The following IL5 variants were observed in gnomAD, a reference collection of about 807,000 sequenced individuals.
IL5 encodes interleukin 5.
IL5 carries 12 observed loss-of-function variants against 16.3 expected under a neutral mutation model. The ratio of observed to expected loss-of-function variants is 0.74; its 90% CI spans 0.47 to 1.20. The LOEUF (loss-of-function observed/expected upper bound fraction) is 1.20. IL5 is among the 50% of genes most tolerant of loss of function. IL5 has a pLI of 0.00. For synonymous variants in IL5, 54 were observed against 56.6 expected, an observed-to-expected ratio of 0.95 and a Z score of 0.21; for missense variants, 159 against 153.9, an observed-to-expected ratio of 1.03 and a Z score of -0.17.
At chr5:132,542,692 AT>A (rs1353282707) in intron 2 of IL5, among the ~76,000 whole-genome samples, 6 of 152,188 alleles carry the variant, frequency 3.9e-5, no homozygotes, top group Non-Finnish European at 7.3e-5. Flanking sequence ...AATATAGGGC[AT>A]TTGTTATATA....
intron 1 of IL5, among the ~76,000 whole-genome samples, chr5:132,555,110 GC>G (rs1473802164): frequency 1.1e-4 from 16 of 152,166 alleles, no homozygotes; most frequent in Admixed American, 4.6e-4. Flanking sequence ...AGAATCTAAT[GC>G]CCCCACTGAT....
chr5:132,546,366 A>C (rs920256359), upstream of IL5, among the ~76,000 whole-genome samples: 1 of 152,028 alleles, frequency 6.6e-6, no homozygotes, highest in Admixed American at 6.6e-5. Context: ...TGTCTTTATG[A>C]ATTTGATGAC....
At chr5:132,554,350 G>C (rs1424407012) in intron 1 of IL5, among the ~76,000 whole-genome samples, 1 of 115,730 alleles carries the variant, frequency 8.6e-6, no homozygotes, top group Admixed American at 1.1e-4. Context: ...CTGGGTGACA[G>C]AGTGAGACTC....
At chr5:132,542,366 G>A (rs1353081980) in intron 2 of IL5, among the ~76,000 whole-genome samples, 3 of 152,100 alleles carry the variant, frequency 2.0e-5, no homozygotes, top group African/African-American at 7.2e-5. Flanking sequence ...TCTCCAAAGA[G>A]TTTTTTGTTT....
chr5:132,549,739 A>G (rs1042550753), intron 1 of IL5, among the ~76,000 whole-genome samples: 1 of 152,206 alleles, frequency 6.6e-6, no homozygotes, highest in Non-Finnish European at 1.5e-5. Flanking sequence ...CCTTAAGGTC[A>G]AATGACTTTT....
In IL5 at chr5:132,541,755, T is replaced by C. The variant is rs925432262; in HGVS notation, c.*56A>G. Reference sequence around the variant, plus strand: ...ACTCTTTCTTGGCCCTCATTCTCACTGCAGTAAAATGTCCTTCTCCTCCAA... The same window carrying C: ...ACTCTTTCTTGGCCCTCATTCTCACCGCAGTAAAATGTCCTTCTCCTCCAA... On this transcript the variant is annotated 3_prime_UTR_variant, in exon 4 of 4. Transcript: ENST00000231454. 9.4e-7 allele frequency: 1 copy of C among 1,068,960 alleles called. No homozygotes were observed. Among genetic ancestry groups the C allele is most frequent in the African/African-American group, 1.6e-5 (1 of 63,286 alleles). The allele number at this position is 1,068,960 out of a possible 1,614,324, so 66.2% of individuals were successfully genotyped here.
At chr5:132,544,155 C>T (rs1001179238), upstream of IL5, among the ~76,000 whole-genome samples, 1 of 152,204 alleles carries the variant, frequency 6.6e-6, no homozygotes. Context: ...TTCAGTGACT[C>T]TTCCTTGACT....
At chr5:132,549,581 A>G (rs1230138645) in intron 1 of IL5, among the ~76,000 whole-genome samples, 1 of 152,250 alleles carries the variant, frequency 6.6e-6, no homozygotes, top group East Asian at 1.9e-4. Flanking sequence ...GTAATTTTAT[A>G]ATTTAAAAAA....
At position 132,542,059 on chromosome 5, in the gene IL5, A is replaced by C; in HGVS notation, c.262T>G (p.Phe88Val). 4.3e-6 allele frequency: 7 copies of C among 1,613,798 alleles called. No homozygotes were observed. Among genetic ancestry groups the C allele is most frequent in the Non-Finnish European group, 5.9e-6 (7 of 1,179,742 alleles). ...TTCTTTATTAAGGACAAGTTTTTGA[A>C]TAGTCTTTCCACAGTACCCCCTTGC... ...TVQGGTVERLFKNLSLIKKYI... is the reference protein window; with the variant it reads ...TVQGGTVERLVKNLSLIKKYI... Residue 88 changes from phenylalanine (F) to valine (V), a missense_variant, in exon 3 of 4, where the codon TTC (phenylalanine) becomes GTC (valine). Phe to Val is a conservative substitution (Grantham distance 50). Coordinates refer to ENST00000231454, the MANE Select transcript of IL5 (RefSeq NM_000879.3).
intron 2 of IL5, among the ~76,000 whole-genome samples, chr5:132,542,810 G>A (rs139670763): frequency 6.9e-4 from 105 of 152,228 alleles, no homozygotes; most frequent in African/African-American, 2.4e-3. Flanking sequence ...AGACTAGCAC[G>A]CACCTCTCAC....
At chr5:132,549,217 G>A (rs914108086) in intron 1 of IL5, among the ~76,000 whole-genome samples, 12 of 152,036 alleles carry the variant, frequency 7.9e-5, no homozygotes, top group African/African-American at 1.4e-4. Context: ...CACCACGCCC[G>A]GCTAACTTTT....
upstream of IL5, among the ~76,000 whole-genome samples, chr5:132,545,589 C>T (rs1749770198): frequency 1.3e-5 from 2 of 152,088 alleles, no homozygotes; most frequent in South Asian, 2.1e-4. Context: ...GAGTTCAAGA[C>T]CAGTGAGTGA....
Position 132,543,400 on chromosome 5 carries a change from T to C in IL5, c.79A>G (p.Ser27Gly). Residue 27 changes from serine (S) to glycine (G), a missense_variant, in exon 1 of 4, where the codon AGT becomes GGT. Transcript: ENST00000231454. ...GCCAAGGTCTCTTTCACCAATGCAC[T>C]TGTGGGAATTTCTGTGGGGATGGCA... ...VYAIPTEIPT[S>G]ALVKETLALL... 1 of 1,614,190 alleles carries C rather than the reference T, an allele frequency of 6.2e-7. No individual in the cohort carries two copies. The highest frequency in any genetic ancestry group is 1.3e-5 in the African/African-American group (1 of 75,056).
intron 1 of IL5, among the ~76,000 whole-genome samples, chr5:132,555,537 A>G (rs1265188852): frequency 6.6e-6 from 1 of 152,218 alleles, no homozygotes; most frequent in East Asian, 1.9e-4. Context: ...TCTTTTTGAG[A>G]CGGAGTCTCG....
At chr5:132,553,462 G>C (rs1749916338) in intron 1 of IL5, among the ~76,000 whole-genome samples, 1 of 152,092 alleles carries the variant, frequency 6.6e-6, no homozygotes. Flanking sequence ...ATGCTACTTT[G>C]GGTCATAAAA....
exon 1 of IL5, chr5:132,556,752 T>A (rs201703778): frequency 2.2e-4 from 265 of 1,210,832 alleles, no homozygotes; most frequent in Non-Finnish European, 2.4e-4. Flanking sequence ...GGAAGCGCCA[T>A]CCGTCACAGG....
At chr5:132,549,788 C>T (rs1272197195) in intron 1 of IL5, among the ~76,000 whole-genome samples, 2 of 152,156 alleles carry the variant, frequency 1.3e-5, no homozygotes, top group Non-Finnish European at 2.9e-5. Flanking sequence ...TGATGCCTCG[C>T]AATTTTCATG....
At position 132,541,803 on chromosome 5, in the gene IL5, G is replaced by A; in HGVS notation, c.*8C>T. 1 of 1,591,510 alleles carries A rather than the reference G, an allele frequency of 6.3e-7. No individual in the cohort carries two copies. Among genetic ancestry groups the A allele is most frequent in the Non-Finnish European group, 8.6e-7 (1 of 1,161,004 alleles). On this transcript the variant is annotated 3_prime_UTR_variant, in exon 4 of 4. Transcript: ENST00000231454. ...CAAAATCTTTGGCTGCAACAAACCA[G>A]TTTAGTCTCAACTTTCTATTATCCA...
intron 1 of IL5, 28 bp downstream of exon 1, chr5:132,543,307 A>G: frequency 1.3e-6 from 2 of 1,597,026 alleles, no homozygotes; most frequent in Non-Finnish European, 1.7e-6. Context: ...TGCACTTTAC[A>G]GACTGTAGGA....
Sources: gnomAD v4.1 joint callset for allele counts (sites outside exome capture counted in the v4.1 genomes callset) on GRCh38, gnomAD v4.1.1 for gene constraint, MANE v1.5 for transcripts, NCBI Gene and HGNC (gene_info 2026-07-23, HGNC 2026-07-21) for gene names.